The following PHACTR3 variants were observed in gnomAD, a reference collection of about 807,000 sequenced individuals.
The protein encoded by PHACTR3 is protein phosphatase 1, regulatory subunit 123.
A neutral mutation model predicts 66.8 loss-of-function variants in PHACTR3; 16 were observed. The observed-to-expected ratio is 0.24, with a 90% confidence interval of 0.16 to 0.36. PHACTR3 has a LOEUF of 0.36. PHACTR3 is among the 10% of genes least tolerant of loss of function. PHACTR3 has a pLI of 1.00. For missense variants in PHACTR3, 647 were observed against 719.9 expected (o/e 0.90, Z 1.16); for synonymous variants, 323 against 292.1 (o/e 1.11, Z -1.08).
chr20:59,710,595 C>T (rs1342059154), intron 1 of PHACTR3, among the ~76,000 whole-genome samples: 1 of 152,084 alleles, frequency 6.6e-6, no homozygotes, highest in Non-Finnish European at 1.5e-5. Flanking sequence ...TTCCTGGAGG[C>T]ACTTGACCTC....
intron 1 of PHACTR3, among the ~76,000 whole-genome samples, chr20:59,670,192 T>C (rs1339254470): frequency 6.6e-6 from 1 of 152,212 alleles, no homozygotes; most frequent in African/African-American, 2.4e-5. Context: ...CACACCATGA[T>C]GTCGGTGATG....
intron 1 of PHACTR3, among the ~76,000 whole-genome samples, chr20:59,723,156 T>C (rs1364329214): frequency 1.3e-5 from 2 of 150,458 alleles, no homozygotes; most frequent in Non-Finnish European, 2.9e-5. Flanking sequence ...TATTATACAA[T>C]TCACCCTTAT....
At chr20:59,682,021 AAAG>A (rs1313551400) in intron 1 of PHACTR3, among the ~76,000 whole-genome samples, 1 of 142,430 alleles carries the variant, frequency 7.0e-6, no homozygotes, top group African/African-American at 2.5e-5. Context: ...AAAAAAAAAA[AAAG>A]AAAGAAAGAA....
chr20:59,610,083 G>C (rs1460162532), intron 1 of PHACTR3, among the ~76,000 whole-genome samples: 1 of 152,164 alleles, frequency 6.6e-6, no homozygotes, highest in East Asian at 1.9e-4. Context: ...GTGAAACCCT[G>C]TCTCTATAAA....
intron 1 of PHACTR3, among the ~76,000 whole-genome samples, chr20:59,678,661 G>C (rs1476486175): frequency 6.6e-6 from 1 of 152,146 alleles, no homozygotes; most frequent in African/African-American, 2.4e-5. Flanking sequence ...TGTGTTTTGT[G>C]GGGCAGAAAT....
intron 5 of PHACTR3, among the ~76,000 whole-genome samples, chr20:59,769,511 C>G (rs1402840638): frequency 6.6e-6 from 1 of 152,226 alleles, no homozygotes; most frequent in African/African-American, 2.4e-5. Flanking sequence ...CTGCCAGCAT[C>G]TTGATTTCAG....
intron 1 of PHACTR3, among the ~76,000 whole-genome samples, chr20:59,669,227 C>T (rs780180184): frequency 3.3e-5 from 5 of 152,094 alleles, no homozygotes; most frequent in Non-Finnish European, 7.4e-5. Context: ...CAGTGTGACC[C>T]CCGGTGTGGA....
intron 1 of PHACTR3, among the ~76,000 whole-genome samples, chr20:59,706,979 A>G (rs2037727817): frequency 6.6e-6 from 1 of 152,270 alleles, no homozygotes; most frequent in Admixed American, 6.5e-5. Flanking sequence ...TTTTCTAACT[A>G]AAGAGAATAT....
At chr20:59,704,762 T>A (rs532881841) in intron 1 of PHACTR3, among the ~76,000 whole-genome samples, 1 of 151,994 alleles carries the variant, frequency 6.6e-6, no homozygotes. Flanking sequence ...TTTATTATAT[T>A]TTTTTCAATT....
chr20:59,718,477 G>T (rs372577291), intron 1 of PHACTR3, among the ~76,000 whole-genome samples: 22 of 152,170 alleles, frequency 1.4e-4, no homozygotes, highest in African/African-American at 4.8e-4. Flanking sequence ...CCATCTACAA[G>T]GGTCAAATCC....
intron 1 of PHACTR3, among the ~76,000 whole-genome samples, chr20:59,637,709 A>C (rs866549132): frequency 4.6e-5 from 7 of 151,940 alleles, no homozygotes; most frequent in Non-Finnish European, 1.0e-4. Flanking sequence ...AAAAAAAAAA[A>C]AAACCAACAA....
At chr20:59,709,182 A>G (rs766766029) in intron 1 of PHACTR3, among the ~76,000 whole-genome samples, 4 of 152,234 alleles carry the variant, frequency 2.6e-5, no homozygotes, top group Non-Finnish European at 5.9e-5. Flanking sequence ...TGGACAATAA[A>G]AATCTCTCAA....
At chr20:59,806,385 A>G (rs888385251) in intron 8 of PHACTR3, among the ~76,000 whole-genome samples, 191 bp downstream of exon 8, 2 of 152,230 alleles carry the variant, frequency 1.3e-5, no homozygotes, top group Non-Finnish European at 2.9e-5. Flanking sequence ...TGTCCCGTGC[A>G]TGCTCAGATG....
chr20:59,633,009 C>G (rs1367589948), intron 1 of PHACTR3, among the ~76,000 whole-genome samples: 1 of 152,110 alleles, frequency 6.6e-6, no homozygotes, highest in Non-Finnish European at 1.5e-5. Context: ...CACCTTGATC[C>G]TGGGGTGCAC....
rs528598078 is a variant in PHACTR3, at chr20:59,743,727, C to A, written c.280+459C>A. On this transcript the variant is annotated intron_variant, in intron 2 of 12. Coordinates refer to ENST00000371015, the MANE Select transcript of PHACTR3 (RefSeq NM_080672.5). Reference sequence around the variant, plus strand: ...GGATGCTGGGGCCTGGGTCGTACCCCCACAGATGCAGGTTTAGTTGGCCAA... The same window carrying A: ...GGATGCTGGGGCCTGGGTCGTACCCACACAGATGCAGGTTTAGTTGGCCAA... Among the ~76,000 whole-genome samples the A allele has an allele frequency of 7.2e-5, 11 of 152,334 alleles. No homozygotes were observed. In the South Asian group the frequency reaches 1.9e-3, roughly 26 times the overall value.
Position 59,814,551 on chromosome 20 carries a change from G to T in PHACTR3, c.1328+8357G>T, listed in dbSNP as rs537151203. Among the ~76,000 whole-genome samples, 17 of 152,316 alleles carry T rather than the reference G, an allele frequency of 1.1e-4. 1 individual carries two copies. The highest frequency in any genetic ancestry group is 4.1e-4 in the African/African-American group (17 of 41,558). ...AACGGGAGACTGCCCGGTCCATGCTGGACTTGCTGATCTCAGCTGAGGTCG... is the reference window on the plus strand; with the variant it reads ...AACGGGAGACTGCCCGGTCCATGCTTGACTTGCTGATCTCAGCTGAGGTCG... On this transcript the variant is annotated intron_variant, in intron 8 of 12. Coordinates refer to ENST00000371015, the MANE Select transcript of PHACTR3 (RefSeq NM_080672.5).
intron 1 of PHACTR3, among the ~76,000 whole-genome samples, chr20:59,712,532 T>A (rs1250083500): frequency 6.6e-6 from 1 of 152,202 alleles, no homozygotes; most frequent in Non-Finnish European, 1.5e-5. Flanking sequence ...CAGTGACTGT[T>A]GCAAATGCCT....
chr20:59,579,772 C>T (rs2032809969), intron 1 of PHACTR3, among the ~76,000 whole-genome samples: 1 of 152,210 alleles, frequency 6.6e-6, no homozygotes, highest in Non-Finnish European at 1.5e-5. Flanking sequence ...AAGTGGGAAG[C>T]ACTGGGGGCT....
At chr20:59,717,931 A>C (rs1167600836) in intron 1 of PHACTR3, among the ~76,000 whole-genome samples, 2 of 152,166 alleles carry the variant, frequency 1.3e-5, no homozygotes, top group Non-Finnish European at 2.9e-5. Context: ...TGGTAGCTCC[A>C]TGTCCTGGAA....
Sources: gnomAD v4.1 joint callset for allele counts (sites outside exome capture counted in the v4.1 genomes callset) on GRCh38, gnomAD v4.1.1 for gene constraint, MANE v1.5 for transcripts, NCBI Gene and HGNC (gene_info 2026-07-23, HGNC 2026-07-21) for gene names.